CADPS: variants seen among roughly 807,000 people sequenced by gnomAD.
CADPS encodes calcium dependent secretion activator.
Under a neutral mutation model 167.3 loss-of-function variants are expected in CADPS, and 57 were observed. The ratio of observed to expected loss-of-function variants is 0.34; its 90% CI spans 0.28 to 0.42. The LOEUF (loss-of-function observed/expected upper bound fraction) is 0.42. Ranked by LOEUF, CADPS falls within the 20% of genes least tolerant of loss-of-function variation. The probability of loss-of-function intolerance (pLI) is 1.00; values close to 1 mark genes in which losing one functional copy is unlikely to be tolerated. For missense variants in CADPS, 1,414 were observed against 1,738.1 expected, an observed-to-expected ratio of 0.81 and a Z score of 3.32; for synonymous variants, 676 against 635.3, an observed-to-expected ratio of 1.06 and a Z score of -0.96.
chr3:62,580,797 T>C (rs2083284562), intron 8 of CADPS, among the ~76,000 whole-genome samples: 1 of 152,150 alleles, frequency 6.6e-6, no homozygotes, highest in African/African-American at 2.4e-5. Context: ...AAATAGAAAT[T>C]AAGCCTAAGT....
chr3:62,740,152 C>T (rs984518721), intron 3 of CADPS, among the ~76,000 whole-genome samples: 4 of 152,206 alleles, frequency 2.6e-5, no homozygotes, highest in Admixed American at 2.0e-4. Context: ...CTGGGCTTGG[C>T]TCCAGGTTGT....
At chr3:62,636,430 CG>C (rs1295603719) in intron 6 of CADPS, among the ~76,000 whole-genome samples, 1 of 152,184 alleles carries the variant, frequency 6.6e-6, no homozygotes, top group Admixed American at 6.6e-5. Context: ...CTAGCAGCTA[CG>C]GGCTGGCATG....
chr3:62,565,230 T>C (rs2079933451), intron 9 of CADPS, among the ~76,000 whole-genome samples: 1 of 152,140 alleles, frequency 6.6e-6, no homozygotes, highest in South Asian at 2.1e-4. Flanking sequence ...GATCTCTGGG[T>C]TAGGGTTTGC....
chr3:62,592,616 C>G, intron 7 of CADPS, 21 bp downstream of exon 7: 1 of 1,582,704 alleles, frequency 6.3e-7, no homozygotes, highest in Non-Finnish European at 8.7e-7. Context: ...TGGAGTTCCC[C>G]TTGTGATAAG....
At position 62,672,426 on chromosome 3, in the gene CADPS, C is replaced by G. The variant is rs139916365; in HGVS notation, c.889-10032G>C. ...AAGACCTGTCAATAACGTTCCACTT[C>G]CCTTGGTAGTAAGAGCCTGAGACCC... is the stretch of plus-strand genomic sequence containing the variant. On this transcript the variant is annotated intron_variant, in intron 3 of 29. Transcript: ENST00000383710. 4.2e-3 allele frequency among the ~76,000 whole-genome samples: 635 copies of G among 152,328 alleles called. 3 individuals carry two copies. Among genetic ancestry groups the G allele is most frequent in the African/African-American group, 0.014 (587 of 41,588 alleles).
At chr3:62,702,886 C>T (rs1361582471) in intron 3 of CADPS, among the ~76,000 whole-genome samples, 1 of 152,026 alleles carries the variant, frequency 6.6e-6, no homozygotes, top group African/African-American at 2.4e-5. Flanking sequence ...TCATTTAATC[C>T]TCACAATGAT....
chr3:62,416,086 T>C (rs1428993547), intron 28 of CADPS, among the ~76,000 whole-genome samples: 2 of 152,170 alleles, frequency 1.3e-5, no homozygotes, highest in Non-Finnish European at 2.9e-5. Context: ...CCCTATTTAA[T>C]GTCAGAAATA....
At chr3:62,447,059 C>G (rs2057331815) in intron 26 of CADPS, among the ~76,000 whole-genome samples, 2 of 152,126 alleles carry the variant, frequency 1.3e-5, no homozygotes, top group South Asian at 4.1e-4. Context: ...TGTCAGCTCT[C>G]AAGAGAAAAC....
chr3:62,406,518 C>T (rs985474606), intron 28 of CADPS, among the ~76,000 whole-genome samples: 10 of 152,158 alleles, frequency 6.6e-5, no homozygotes, highest in East Asian at 3.9e-4. Flanking sequence ...ACTAACTTTT[C>T]GGTAAAATAT....
chr3:62,444,353 T>C (rs2056863986), intron 27 of CADPS, among the ~76,000 whole-genome samples: 1 of 152,214 alleles, frequency 6.6e-6, no homozygotes, highest in African/African-American at 2.4e-5. Context: ...CTGAAATTCC[T>C]AATAAGTGCC....
intron 7 of CADPS, among the ~76,000 whole-genome samples, chr3:62,591,046 T>C (rs1362699924): frequency 6.6e-6 from 1 of 151,878 alleles, no homozygotes; most frequent in East Asian, 1.9e-4. Flanking sequence ...TTAGTAGAGA[T>C]GGGGTTTCAC....
intron 3 of CADPS, among the ~76,000 whole-genome samples, chr3:62,710,469 A>G (rs1564149802): frequency 1.3e-5 from 2 of 152,264 alleles, no homozygotes; most frequent in South Asian, 4.1e-4. Context: ...GTTCCTCATA[A>G]GCTCAAATCT....
intron 28 of CADPS, among the ~76,000 whole-genome samples, chr3:62,417,643 C>T (rs2050410470): frequency 6.6e-6 from 1 of 151,962 alleles, no homozygotes; most frequent in African/African-American, 2.4e-5. Context: ...ATGTTTATGT[C>T]TCATTGAATC....
At chr3:62,569,815 T>C (rs1049829718) in intron 9 of CADPS, among the ~76,000 whole-genome samples, 7 of 152,216 alleles carry the variant, frequency 4.6e-5, no homozygotes, top group Non-Finnish European at 1.0e-4. Flanking sequence ...AATTGAATTA[T>C]AGTTTAAATG....
intron 10 of CADPS, among the ~76,000 whole-genome samples, chr3:62,556,706 G>T (rs912765838): frequency 2.6e-5 from 4 of 152,046 alleles, no homozygotes; most frequent in East Asian, 1.9e-4. Flanking sequence ...AAGATAAAAT[G>T]GGTGGGGGGA....
At chr3:62,483,364 T>C (rs1339764789) in intron 21 of CADPS, among the ~76,000 whole-genome samples, 1 of 8,708 alleles carries the variant, frequency 1.1e-4, no homozygotes, top group African/African-American at 4.9e-4. Flanking sequence ...AGGGGGAAGT[T>C]AGGGGGTGGG....
chr3:62,431,572 A>G (rs963434640), intron 28 of CADPS, among the ~76,000 whole-genome samples: 7 of 150,808 alleles, frequency 4.6e-5, no homozygotes, highest in South Asian at 2.1e-4. Context: ...CTATGTTTAG[A>G]TAGTAATAAA....
intron 10 of CADPS, among the ~76,000 whole-genome samples, chr3:62,555,103 G>C (rs886427319): frequency 1.3e-5 from 2 of 152,132 alleles, no homozygotes; most frequent in African/African-American, 4.8e-5. Context: ...TGACAACTGA[G>C]AGAATTTAAG....
chr3:62,599,698 ATATATAT>A (rs1243755165), intron 6 of CADPS, among the ~76,000 whole-genome samples: 1 of 44,536 alleles, frequency 2.2e-5, no homozygotes, highest in Non-Finnish European at 3.7e-5. Context: ...ATATTATAAT[ATATATAT>A]TATATAATAT....
Sources: allele counts gnomAD v4.1 joint callset (sites outside exome capture counted in the v4.1 genomes callset), GRCh38; gene constraint gnomAD v4.1.1; transcripts MANE v1.5; gene names NCBI Gene and HGNC (gene_info 2026-07-23, HGNC 2026-07-21).